C12orf42: variants seen among roughly 807,000 people sequenced by gnomAD.
C12orf42 encodes the protein chromosome 12 open reading frame 42.
In C12orf42, 25 loss-of-function variants were observed where a neutral mutation model predicts 21.6. The ratio of observed to expected loss-of-function variants is 1.16; its 90% CI spans 0.84 to 1.62. The LOEUF is 1.62. Ranked by LOEUF, C12orf42 falls within the 40% of genes most tolerant of loss-of-function variation. The pLI, the probability that C12orf42 is intolerant of heterozygous loss-of-function variation, is 0.00. For missense variants in C12orf42, 483 were observed against 459.3 expected (o/e 1.05, Z -0.47); for synonymous variants, 174 against 175.0 (o/e 0.99, Z 0.05).
chr12:103,264,824 G>A (rs1399718490), downstream of C12orf42, among the ~76,000 whole-genome samples: 2 of 152,050 alleles, frequency 1.3e-5, no homozygotes, highest in Non-Finnish European at 2.9e-5. Flanking sequence ...TATTTGAGTG[G>A]ATGATCATTT....
chr12:103,084,919 A>G, the C12orf42 span, among the ~76,000 whole-genome samples: 1 of 152,172 alleles, frequency 6.6e-6, no homozygotes, highest in African/African-American at 2.4e-5. Context: ...AAGTTTTTGA[A>G]ATCTAAAACT....
At chr12:103,290,668 G>A (rs548875353) in intron 4 of C12orf42, among the ~76,000 whole-genome samples, 1 of 152,274 alleles carries the variant, frequency 6.6e-6, no homozygotes, top group East Asian at 1.9e-4. Context: ...GTTTGGGGAT[G>A]GTCTTTGCCA....
intron 2 of C12orf42, among the ~76,000 whole-genome samples, chr12:103,452,975 T>C (rs1952049012): frequency 6.6e-6 from 1 of 151,692 alleles, no homozygotes; most frequent in Non-Finnish European, 1.5e-5. Context: ...TGTATACATA[T>C]GTAACAAACT....
intron 2 of C12orf42, among the ~76,000 whole-genome samples, chr12:103,463,806 T>C (rs1047512852): frequency 1.3e-5 from 2 of 152,196 alleles, no homozygotes; most frequent in African/African-American, 4.8e-5. Context: ...CTTCCACTTA[T>C]AAGTGAGAAT....
intron 2 of C12orf42, among the ~76,000 whole-genome samples, chr12:103,428,953 T>C (rs975618683): frequency 6.6e-6 from 1 of 152,194 alleles, no homozygotes; most frequent in Admixed American, 6.5e-5. Context: ...AAACTAGGTA[T>C]TGATGGAACC....
chr12:103,201,303 A>C, the C12orf42 span, among the ~76,000 whole-genome samples: 1,069 of 152,264 alleles, frequency 7.0e-3, 13 homozygotes, highest in African/African-American at 0.024. Flanking sequence ...GCAGACCACC[A>C]AACAGTGACC....
intron 3 of C12orf42, among the ~76,000 whole-genome samples, chr12:103,380,077 A>G (rs375414004): frequency 1.3e-5 from 2 of 152,240 alleles, no homozygotes; most frequent in Non-Finnish European, 2.9e-5. Context: ...AGCACACAAT[A>G]GGCAAAGAAG....
chr12:103,559,224 T>C, the C12orf42 span: 1 of 152,234 alleles, frequency 6.6e-6, no homozygotes, highest in Non-Finnish European at 1.5e-5. Context: ...AGGTACTACA[T>C]GCCAATGCAA....
chr12:103,427,634 G>C (rs552212602), intron 2 of C12orf42, among the ~76,000 whole-genome samples: 5 of 152,304 alleles, frequency 3.3e-5, no homozygotes, highest in African/African-American at 1.2e-4. Context: ...GGACTTAACA[G>C]ACATCTACAG....
chr12:103,229,408 G>T, the C12orf42 span, among the ~76,000 whole-genome samples: 2 of 152,168 alleles, frequency 1.3e-5, no homozygotes, highest in African/African-American at 4.8e-5. Flanking sequence ...AAACACAAAA[G>T]CAAGGCAGTG....
chr12:103,530,635 A>G, the C12orf42 span, among the ~76,000 whole-genome samples: 93 of 149,104 alleles, frequency 6.2e-4, no homozygotes, highest in East Asian at 1.4e-3. Flanking sequence ...TCGGGGGGGG[A>G]AAACCCACAC....
At position 103,368,869 on chromosome 12, in the gene C12orf42, G is replaced by T; in HGVS notation, c.259+18C>A. 3 of 1,346,894 alleles carry T rather than the reference G, an allele frequency of 2.2e-6. No homozygotes were observed. The highest frequency in any genetic ancestry group is 3.1e-6 in the Non-Finnish European group (3 of 956,168). The allele number at this position is 1,346,894 out of a possible 1,614,324, so 83.4% of individuals were successfully genotyped here. On this transcript the variant is annotated intron_variant, in intron 4 of 5. Transcript: ENST00000548883. ...CTTTGGAAACTCTGGTCTGTCTTGG[G>T]ATTATGTCTTAATTTACCTGGAAAA...
chr12:103,337,096 G>T (rs938476504), intron 4 of C12orf42, among the ~76,000 whole-genome samples: 2 of 152,178 alleles, frequency 1.3e-5, no homozygotes, highest in Non-Finnish European at 2.9e-5. Flanking sequence ...GCTGCATTTG[G>T]TTGAAGCAGA....
At chr12:103,279,796 C>T (rs988331523) in intron 4 of C12orf42, among the ~76,000 whole-genome samples, 1 of 152,136 alleles carries the variant, frequency 6.6e-6, no homozygotes, top group African/African-American at 2.4e-5. Flanking sequence ...TTCTCTCTCT[C>T]GTGTTGAAAG....
chr12:103,276,368 T>C (rs2035773117), intron 5 of C12orf42, among the ~76,000 whole-genome samples: 1 of 152,214 alleles, frequency 6.6e-6, no homozygotes, highest in Non-Finnish European at 1.5e-5. Context: ...CAGAAGATTC[T>C]AATGTTAATC....
the C12orf42 span, among the ~76,000 whole-genome samples, chr12:103,230,434 GA>G: frequency 6.6e-6 from 1 of 152,188 alleles, no homozygotes; most frequent in Non-Finnish European, 1.5e-5. Flanking sequence ...TATAGTCATG[GA>G]TGTGATAGCC....
chr12:103,100,809 A>AT, the C12orf42 span, among the ~76,000 whole-genome samples: 1 of 152,296 alleles, frequency 6.6e-6, no homozygotes, highest in African/African-American at 2.4e-5. Flanking sequence ...CTTACAAGGG[A>AT]TTTTAGATAG....
At position 103,451,305 on chromosome 12, in the gene C12orf42, C is replaced by T. The variant is rs1405114156; in HGVS notation, c.78+27044G>A. ...GCAGAAGCACAATCATAGCTCACTA[C>T]AGCCTCAACCTCCTAGCCTCAAGCA... On this transcript the variant is annotated intron_variant, in intron 2 of 5. Coordinates refer to ENST00000548883, the MANE Select transcript of C12orf42 (RefSeq NM_198521.5). 3.9e-5 allele frequency among the ~76,000 whole-genome samples: 6 copies of T among 152,162 alleles called. No individual in the cohort carries two copies. In the East Asian group the frequency reaches 1.2e-3, roughly 29 times the overall value.
chr12:103,190,323 G>A, the C12orf42 span, among the ~76,000 whole-genome samples: 2 of 152,106 alleles, frequency 1.3e-5, no homozygotes, highest in East Asian at 1.9e-4. Context: ...TAGCTTCACT[G>A]GCTGCTGATT....
Sources: gnomAD v4.1 joint callset for allele counts (sites outside exome capture counted in the v4.1 genomes callset) on GRCh38, gnomAD v4.1.1 for gene constraint, MANE v1.5 for transcripts, NCBI Gene and HGNC (gene_info 2026-07-23, HGNC 2026-07-21) for gene names.